Variants in CNOT3 observed in about 807,000 individuals in gnomAD.
CNOT3 encodes the protein CCR4-NOT transcription complex subunit 3.
In CNOT3, 2 loss-of-function variants were observed where a neutral mutation model predicts 89.4. That is an observed-to-expected ratio of 0.02 (90% CI 0.01 to 0.07). The LOEUF is 0.07. CNOT3 is among the 10% of genes least tolerant of loss of function. The pLI is 1.00. For missense variants in CNOT3, 664 were observed against 1,010.2 expected (o/e 0.66, Z 4.65); for synonymous variants, 486 against 402.0 (o/e 1.21, Z -2.50).
chr19:54,151,440 A>G (rs117114215), intron 13 of CNOT3, among the ~76,000 whole-genome samples: 2,072 of 152,244 alleles, frequency 0.014, 39 homozygotes, highest in South Asian at 0.088. Flanking sequence ...GTGGTGGCTC[A>G]CACCTGTAAT....
At chr19:54,141,420 C>CA (rs1181682948) in intron 1 of CNOT3, 3 of 152,180 alleles carry the variant, frequency 2.0e-5, no homozygotes, top group African/African-American at 7.2e-5. Flanking sequence ...GGTAAGGTAC[C>CA]AGCCCTGTCC....
Position 54,143,607 on chromosome 19 carries a change from G to A in CNOT3, c.169-53G>A, listed in dbSNP as rs587682645. ...TGGGTCCCAGGGAGAAGGAGCTGTG[G>A]GCCCCAGTTCCTGGGTCCTGAGGTC... is the stretch of plus-strand genomic sequence containing the variant. On this transcript the variant is annotated intron_variant, in intron 4 of 17. Coordinates refer to ENST00000221232, the MANE Select transcript of CNOT3 (RefSeq NM_014516.4). The A allele has an allele frequency of 6.2e-5, 99 of 1,607,996 alleles. 1 individual carries two copies. In the South Asian group the frequency reaches 9.8e-4, roughly 16 times the overall value.
At position 54,145,594 on chromosome 19, in the gene CNOT3, G is replaced by A. The variant is rs906687418; in HGVS notation, c.484-4G>A. On this transcript the variant is annotated splice_polypyrimidine_tract_variant and splice_region_variant and intron_variant, in intron 7 of 17. Coordinates refer to ENST00000221232, the MANE Select transcript of CNOT3 (RefSeq NM_014516.4). This position sits in a 1 kb window ranked among gnomAD's most constrained non-coding sequence, Gnocchi z 5.9. Reference sequence around the variant, plus strand: ...CCTGAGCCTGGCCCTGGGCTCGCCAGCAGAAGCAGGACCGGATTGAGGGCT... The same window carrying A: ...CCTGAGCCTGGCCCTGGGCTCGCCAACAGAAGCAGGACCGGATTGAGGGCT... 4 of 1,611,920 alleles carry A rather than the reference G, an allele frequency of 2.5e-6. No homozygotes were observed. The highest frequency in any genetic ancestry group is 3.4e-6 in the Non-Finnish European group (4 of 1,178,352).
At position 54,143,387 on chromosome 19, in the gene CNOT3, T is replaced by A. The variant is rs111690442; in HGVS notation, c.94-55T>A. On this transcript the variant is annotated intron_variant, in intron 3 of 17. Transcript: ENST00000221232. ...CTAGCATAAGGAAGAATCACTGGAGTGGGTACTGGGACATCCCCTCCCACA... is the reference window on the plus strand; with the variant it reads ...CTAGCATAAGGAAGAATCACTGGAGAGGGTACTGGGACATCCCCTCCCACA... 14 of 1,549,420 alleles carry A rather than the reference T, an allele frequency of 9.0e-6. 1 individual carries two copies. In the African/African-American group the frequency reaches 1.1e-4, roughly 12 times the overall value.
rs746793484 is a variant in CNOT3, at chr19:54,145,932, C to A, written c.726C>A (p.Ser242=). The change falls in exon 9 of 18, where the codon TCC becomes TCA. Residue 242 remains serine, a synonymous_variant. Coordinates refer to ENST00000221232, the MANE Select transcript of CNOT3 (RefSeq NM_014516.4). This position sits in a 1 kb window ranked among gnomAD's most constrained non-coding sequence, Gnocchi z 5.9. ...EDIPQALVAT[S]PPSHSHMEDE... Reference sequence around the variant, plus strand: ...CAGCACAGGCGCTGGTCGCCACCTCCCCCCCCAGCCACAGCCACATGGAGG... The same window carrying A: ...CAGCACAGGCGCTGGTCGCCACCTCACCCCCCAGCCACAGCCACATGGAGG... The A allele has an allele frequency of 6.2e-4, 995 of 1,613,584 alleles. 1 individual carries two copies. Among genetic ancestry groups the A allele is most frequent in the Non-Finnish European group, 7.7e-4 (911 of 1,179,914 alleles).
rs1213715088 is a variant in CNOT3, at chr19:54,145,384, G to A, written c.484-214G>A. Among the ~76,000 whole-genome samples the A allele has an allele frequency of 6.6e-6, 1 of 152,140 alleles. No individual in the cohort carries two copies. The highest frequency in any genetic ancestry group is 1.5e-5 in the Non-Finnish European group (1 of 68,006). On this transcript the variant is annotated intron_variant, in intron 7 of 17. Transcript: ENST00000221232. This position sits in a 1 kb window ranked among gnomAD's most constrained non-coding sequence, Gnocchi z 5.9. Reference sequence around the variant, plus strand: ...TGGAGCCAGAAAGGTGTGGGGAGAGGAGGGAGCAGTGGGATCCCAAGATGT... The same window carrying A: ...TGGAGCCAGAAAGGTGTGGGGAGAGAAGGGAGCAGTGGGATCCCAAGATGT...
At position 54,140,344 on chromosome 19, in the gene CNOT3, T is replaced by C. The variant is rs587655272; in HGVS notation, c.-51+2351T>C. Among the ~76,000 whole-genome samples the C allele has an allele frequency of 4.8e-4, 73 of 152,142 alleles. 1 individual carries two copies. The South Asian group carries it at 0.012, about 25-fold the overall frequency. The stretch of plus-strand genomic sequence containing the variant: ...TCCTGGGCCGAGGTTCCCAGATTCC[T>C]CAGTGCTCTTGGAGAGCCTTTGCTG... On this transcript the variant is annotated intron_variant, in intron 1 of 17. Coordinates refer to ENST00000221232, the MANE Select transcript of CNOT3 (RefSeq NM_014516.4).
At chr19:54,147,157 A>G (rs946327044) in intron 10 of CNOT3, among the ~76,000 whole-genome samples, 2 of 152,338 alleles carry the variant, frequency 1.3e-5, no homozygotes, top group Non-Finnish European at 1.5e-5. Context: ...TACACACTGC[A>G]AATTTCTGAG....
intron 17 of CNOT3, chr19:54,154,379 C>T (rs1411323864): frequency 8.3e-6 from 2 of 240,954 alleles, no homozygotes; most frequent in Non-Finnish European, 1.7e-5. Flanking sequence ...CTGGGCGACT[C>T]TAGGCAAGTC....
Position 54,143,657 on chromosome 19 carries a change from C to T in CNOT3, c.169-3C>T, listed in dbSNP as rs1262645355. On this transcript the variant is annotated splice_polypyrimidine_tract_variant and splice_region_variant and intron_variant, in intron 4 of 17. Transcript: ENST00000221232. ...CTGACTTTCTTGCTTTTCCCATCTG[C>T]AGCGGCTGAGGGACCAAATCAAGAC... 1.2e-6 allele frequency: 2 copies of T among 1,613,714 alleles called. No homozygotes were observed. The highest frequency in any genetic ancestry group is 1.7e-5 in the Admixed American group (1 of 59,976).
At chr19:54,154,362 A>G (rs560349923) in intron 17 of CNOT3, 6 of 260,680 alleles carry the variant, frequency 2.3e-5, no homozygotes, top group Non-Finnish European at 4.7e-5. Flanking sequence ...GTTTCAGCCC[A>G]GTCCAGCTGG....
chr19:54,143,990 A>C lies in CNOT3; in HGVS notation c.259-16A>C, dbSNP rs1264724149. The C allele has an allele frequency of 2.5e-6, 4 of 1,587,780 alleles. No homozygotes were observed. The highest frequency in any genetic ancestry group is 1.4e-5 in the African/African-American group (1 of 72,996). On this transcript the variant is annotated splice_polypyrimidine_tract_variant and intron_variant, in intron 5 of 17. Coordinates refer to ENST00000221232, the MANE Select transcript of CNOT3 (RefSeq NM_014516.4). Reference sequence around the variant, plus strand: ...CCCACCTTTGAGAGCCCCCCTGCCAACTGCACTCTCTACAGCAAATGGAAC... The same window carrying C: ...CCCACCTTTGAGAGCCCCCCTGCCACCTGCACTCTCTACAGCAAATGGAAC...
chr19:54,149,677 A>G lies in CNOT3; in HGVS notation c.1524A>G (p.Pro508=). The G allele has an allele frequency of 1.9e-6, 3 of 1,614,010 alleles. No homozygotes were observed. In the South Asian group the frequency reaches 3.3e-5, roughly 18 times the overall value. ...VPLPVNPPSS[P]TPSFSDAKAA... is the part of the protein sequence containing the mutation. ...TGCCTGTGAATCCTCCCAGCTCCCC[A>G]ACGCCCAGCTTCAGTGATGCCAAGG... Residue 508 remains proline (P), a synonymous_variant, in exon 13 of 18, where the codon CCA becomes CCG. Transcript: ENST00000221232.
intron 3 of CNOT3, 79 bp downstream of exon 3, chr19:54,143,265 G>C (rs1025961712): frequency 1.0e-5 from 13 of 1,280,508 alleles, no homozygotes; most frequent in Non-Finnish European, 1.4e-5. Context: ...TCTGGGTGTT[G>C]ACCAGCGGGA....
intron 2 of CNOT3, 56 bp downstream of exon 2, chr19:54,143,059 T>C (rs587670224): frequency 1.2e-6 from 2 of 1,612,700 alleles, no homozygotes; most frequent in South Asian, 1.1e-5. Context: ...TTCTGAGGAC[T>C]GCTCTTTAGA....
At chr19:54,154,291 T>C (rs1237556468) in intron 17 of CNOT3, 3 of 332,668 alleles carry the variant, frequency 9.0e-6, no homozygotes, top group Non-Finnish European at 1.8e-5. Flanking sequence ...AATGGGCTTC[T>C]CAAGTTCTAA....
At chr19:54,150,207 G>A (rs1308379978) in intron 13 of CNOT3, among the ~76,000 whole-genome samples, 5 of 152,094 alleles carry the variant, frequency 3.3e-5, no homozygotes, top group African/African-American at 1.2e-4. Flanking sequence ...AGGGAAGGTT[G>A]CGGTGGGCCC....
At chr19:54,140,158 C>T (rs150970660) in intron 1 of CNOT3, among the ~76,000 whole-genome samples, 13 of 152,242 alleles carry the variant, frequency 8.5e-5, no homozygotes, top group African/African-American at 3.1e-4. Context: ...TATCATCTTC[C>T]CTGAGATGAA....
rs376506187 is a variant in CNOT3 at position 54,148,794 on chromosome 19, A to T, written c.1406+51A>T. The T allele has an allele frequency of 5.1e-6, 8 of 1,582,942 alleles. No homozygotes were observed. The African/African-American group carries it at 1.1e-4, about 21-fold the overall frequency. ...TTGGGATGGCAGCCTTTTGAAACAG[A>T]GAGGCGCAGGCGCCTCACCCCCGCA... On this transcript the variant is annotated intron_variant, in intron 12 of 17. Transcript: ENST00000221232. This position sits in a 1 kb window ranked among gnomAD's most constrained non-coding sequence, Gnocchi z 6.3.
Sources: gnomAD v4.1 joint callset for allele counts (sites outside exome capture counted in the v4.1 genomes callset) on GRCh38, gnomAD v4.1.1 for gene constraint, Gnocchi (gnomAD v3.1) non-coding constraint, MANE v1.5 for transcripts, NCBI Gene and HGNC (gene_info 2026-07-23, HGNC 2026-07-21) for gene names.